Variants in ASTN2 observed in about 807,000 individuals in gnomAD.
ASTN2 encodes astrotactin 2.
In ASTN2, 54 loss-of-function variants were observed where a neutral mutation model predicts 139.8. That is an observed-to-expected ratio of 0.39 (90% CI 0.31 to 0.48). The LOEUF (loss-of-function observed/expected upper bound fraction) is 0.48. ASTN2 is among the 20% of genes least tolerant of loss of function. The pLI is 0.95. For missense variants in ASTN2, 1,565 were observed against 1,725.1 expected (o/e 0.91, Z 1.64); for synonymous variants, 756 against 719.5 (o/e 1.05, Z -0.81).
At chr9:117,325,971 C>T (rs757344900) in intron 1 of ASTN2, among the ~76,000 whole-genome samples, 28 of 152,038 alleles carry the variant, frequency 1.8e-4, no homozygotes, top group Non-Finnish European at 3.8e-4. Flanking sequence ...GACACTTGGC[C>T]TTAGGGAGTT....
rs540087264 is a variant in ASTN2, at chr9:117,154,737, A to G, written c.1016-13259T>C. Among the ~76,000 whole-genome samples, 9 of 152,164 alleles carry G rather than the reference A, an allele frequency of 5.9e-5. No homozygotes were observed. In the South Asian group the frequency reaches 1.9e-3, roughly 32 times the overall value. ...TTATTATTATATACATCAAGGTCCA[A>G]ATCCTGGTTCTGCCTGTTAGCATCT... On this transcript the variant is annotated intron_variant, in intron 3 of 22. Transcript: ENST00000313400.
intron 2 of ASTN2, among the ~76,000 whole-genome samples, chr9:117,259,155 T>G (rs1335516632): frequency 6.6e-6 from 1 of 152,152 alleles, no homozygotes; most frequent in Non-Finnish European, 1.5e-5. Context: ...ACCTCAAAAA[T>G]GCTCCCCTTA....
chr9:117,289,135 T>C lies in ASTN2; in HGVS notation c.630+2191A>G, dbSNP rs1161825284. On this transcript the variant is annotated intron_variant, in intron 2 of 22. Coordinates refer to ENST00000313400, the MANE Select transcript of ASTN2 (RefSeq NM_001365068.1). The stretch of plus-strand genomic sequence containing the variant: ...CCCACCTCTCAGAGGAAGAACACCC[T>C]GGGGTTCAGTGTCTCCAAGACATGA... Among the ~76,000 whole-genome samples, 4 of 152,134 alleles carry C rather than the reference T, an allele frequency of 2.6e-5. No individual in the cohort carries two copies. The East Asian group carries it at 7.7e-4, about 29-fold the overall frequency.
At chr9:116,718,757 C>G (rs182300357) in intron 16 of ASTN2, among the ~76,000 whole-genome samples, 3 of 151,930 alleles carry the variant, frequency 2.0e-5, no homozygotes, top group Non-Finnish European at 2.9e-5. Flanking sequence ...TGTTGGATCT[C>G]AAGCCTGCCA....
chr9:117,180,887 T>C, intron 3 of ASTN2: 1 of 1,587,182 alleles, frequency 6.3e-7, no homozygotes, highest in Admixed American at 1.7e-5. Flanking sequence ...AACTTGGCCC[T>C]GCGCAGGGCC....
chr9:116,967,227 C>T (rs1269501567), intron 10 of ASTN2, among the ~76,000 whole-genome samples: 2 of 152,120 alleles, frequency 1.3e-5, no homozygotes, highest in African/African-American at 4.8e-5. Flanking sequence ...CTCAAAAAAA[C>T]ATTCAAAGAT....
chr9:116,770,236 C>G (rs955286633), intron 13 of ASTN2, among the ~76,000 whole-genome samples: 7 of 152,092 alleles, frequency 4.6e-5, no homozygotes, highest in Admixed American at 4.6e-4. Flanking sequence ...CCCATTTGCA[C>G]TAGGTGTGGA....
chr9:116,754,774 G>T (rs899851785), intron 13 of ASTN2, among the ~76,000 whole-genome samples: 5 of 152,262 alleles, frequency 3.3e-5, no homozygotes, highest in Admixed American at 1.3e-4. Context: ...AAATAAAAAT[G>T]CTGGAATCCT....
intron 20 of ASTN2, among the ~76,000 whole-genome samples, chr9:116,455,959 A>G (rs1285783158): frequency 6.6e-6 from 1 of 152,194 alleles, no homozygotes; most frequent in Non-Finnish European, 1.5e-5. Flanking sequence ...ATCTGGAACA[A>G]GAAAGTGATG....
intron 19 of ASTN2, among the ~76,000 whole-genome samples, chr9:116,524,741 C>G (rs905249822): frequency 6.6e-6 from 1 of 152,204 alleles, no homozygotes; most frequent in Non-Finnish European, 1.5e-5. Context: ...GAGCCCCTCA[C>G]ATGACTTTCA....
chr9:117,016,617 TATCTATCTATATA>T (rs1837693443), intron 6 of ASTN2, among the ~76,000 whole-genome samples: 1 of 3,950 alleles, frequency 2.5e-4, no homozygotes, highest in Non-Finnish European at 5.5e-4. Flanking sequence ...TATCTATATC[TATCTATCTATATA>T]TATATATATA....
At chr9:116,473,149 C>T (rs564238262) in intron 20 of ASTN2, among the ~76,000 whole-genome samples, 4 of 152,240 alleles carry the variant, frequency 2.6e-5, no homozygotes, top group African/African-American at 7.2e-5. Context: ...ATGATGACAA[C>T]GACTGGGAGG....
chr9:117,136,777 T>C (rs1829961967), intron 4 of ASTN2, among the ~76,000 whole-genome samples: 2 of 152,132 alleles, frequency 1.3e-5, no homozygotes, highest in South Asian at 2.1e-4. Context: ...TGGATGACAG[T>C]GATTGTACTA....
chr9:116,769,434 C>T (rs543340087), intron 13 of ASTN2, among the ~76,000 whole-genome samples: 10 of 152,104 alleles, frequency 6.6e-5, no homozygotes, highest in African/African-American at 2.2e-4. Context: ...TTCTAGAAGG[C>T]TGGCTGTGAA....
chr9:116,671,890 T>C (rs908156709), intron 16 of ASTN2, among the ~76,000 whole-genome samples: 5 of 152,134 alleles, frequency 3.3e-5, no homozygotes, highest in African/African-American at 1.2e-4. Context: ...GCTTCTGCCA[T>C]TAACTTGATT....
At chr9:116,804,660 A>G (rs945504063) in intron 13 of ASTN2, among the ~76,000 whole-genome samples, 2 of 152,214 alleles carry the variant, frequency 1.3e-5, no homozygotes, top group African/African-American at 2.4e-5. Flanking sequence ...ATTACCACTC[A>G]TAATACAATT....
chr9:116,448,878 A>T (rs1408550606), intron 20 of ASTN2, among the ~76,000 whole-genome samples: 2 of 152,164 alleles, frequency 1.3e-5, no homozygotes, highest in Admixed American at 6.5e-5. Context: ...TGGATTTTTG[A>T]TGGGAAGACT....
chr9:116,914,445 C>T (rs1013550263), intron 10 of ASTN2, among the ~76,000 whole-genome samples: 3 of 151,978 alleles, frequency 2.0e-5, no homozygotes, highest in Admixed American at 6.6e-5. Flanking sequence ...TGAGCATATC[C>T]CAGTCCTTGT....
intron 11 of ASTN2, among the ~76,000 whole-genome samples, chr9:116,839,886 T>TATTA (rs1564297215): frequency 7.5e-6 from 1 of 132,824 alleles, no homozygotes; most frequent in Admixed American, 7.4e-5. Flanking sequence ...TTATTATTTT[T>TATTA]TTTTTTTTAA....
Sources: gnomAD v4.1 joint callset for allele counts (sites outside exome capture counted in the v4.1 genomes callset) on GRCh38, gnomAD v4.1.1 for gene constraint, MANE v1.5 for transcripts, NCBI Gene and HGNC (gene_info 2026-07-23, HGNC 2026-07-21) for gene names.